The following TMEM135 variants were observed in gnomAD, a reference collection of about 807,000 sequenced individuals.
TMEM135 encodes the protein peroxisomal membrane protein 52.
Under a neutral mutation model 60.3 loss-of-function variants are expected in TMEM135, and 30 were observed. The observed-to-expected ratio is 0.50, with a 90% CI of 0.37 to 0.68. TMEM135 has a LOEUF of 0.68. TMEM135 is among the 30% of genes least tolerant of loss of function. The probability of loss-of-function intolerance (pLI) is 0.00; values close to 1 mark genes in which losing one functional copy is unlikely to be tolerated. For synonymous variants in TMEM135, 190 were observed against 186.7 expected (o/e 1.02, Z -0.14); for missense variants, 468 against 548.8 (o/e 0.85, Z 1.47).
At chr11:87,296,841 A>T (rs1222075390) in intron 7 of TMEM135, among the ~76,000 whole-genome samples, 1 of 152,156 alleles carries the variant, frequency 6.6e-6, no homozygotes, top group Non-Finnish European at 1.5e-5. Context: ...GTAGCAAGAG[A>T]GTGAAAATTG....
chr11:87,074,614 G>A (rs943684427), intron 3 of TMEM135, among the ~76,000 whole-genome samples: 1 of 152,100 alleles, frequency 6.6e-6, no homozygotes, highest in Non-Finnish European at 1.5e-5. Context: ...ATCAACTAGA[G>A]TCAATGGTTA....
At chr11:87,158,099 C>G (rs184546841) in intron 5 of TMEM135, among the ~76,000 whole-genome samples, 2 of 152,168 alleles carry the variant, frequency 1.3e-5, no homozygotes, top group Admixed American at 1.3e-4. Flanking sequence ...ACAGAAATCC[C>G]TATTTTTGAG....
At chr11:87,152,644 G>C (rs930628691) in intron 4 of TMEM135, among the ~76,000 whole-genome samples, 2 of 151,528 alleles carry the variant, frequency 1.3e-5, no homozygotes, top group African/African-American at 4.8e-5. Context: ...TCGCCATGTC[G>C]GTCAGGCTGG....
chr11:87,139,163 C>T (rs1435121085), intron 4 of TMEM135, among the ~76,000 whole-genome samples: 1 of 151,998 alleles, frequency 6.6e-6, no homozygotes, highest in East Asian at 1.9e-4. Flanking sequence ...CATCTGTGTC[C>T]TTCCTAAAAA....
intron 4 of TMEM135, among the ~76,000 whole-genome samples, chr11:87,154,655 T>G (rs1010241103): frequency 6.6e-6 from 1 of 152,248 alleles, no homozygotes; most frequent in Non-Finnish European, 1.5e-5. Flanking sequence ...TCTGTCTTTT[T>G]GATAATAGCC....
intron 2 of TMEM135, among the ~76,000 whole-genome samples, chr11:87,069,410 G>T (rs1324121206): frequency 2.0e-5 from 3 of 151,484 alleles, no homozygotes; most frequent in Admixed American, 1.3e-4. Flanking sequence ...TGGTTAAGTT[G>T]TAGAAGCATG....
At chr11:87,110,946 C>T (rs143001865) in intron 4 of TMEM135, among the ~76,000 whole-genome samples, 140 of 152,314 alleles carry the variant, frequency 9.2e-4, no homozygotes, top group African/African-American at 3.3e-3. Context: ...CTGGAGCTGA[C>T]ATGAAAGTAA....
At chr11:87,252,368 C>T (rs1409809965) in intron 6 of TMEM135, among the ~76,000 whole-genome samples, 2 of 151,940 alleles carry the variant, frequency 1.3e-5, no homozygotes, top group African/African-American at 4.8e-5. Flanking sequence ...AAGCCTTGCA[C>T]ATGTGTTTTA....
At chr11:87,147,290 T>A (rs921774074) in intron 4 of TMEM135, among the ~76,000 whole-genome samples, 2 of 152,054 alleles carry the variant, frequency 1.3e-5, no homozygotes, top group Non-Finnish European at 2.9e-5. Flanking sequence ...GCCACTACAC[T>A]CCAGCCTGGG....
intron 1 of TMEM135, among the ~76,000 whole-genome samples, chr11:87,067,425 T>C (rs949661182): frequency 3.3e-5 from 5 of 152,038 alleles, no homozygotes; most frequent in Admixed American, 6.6e-5. Context: ...TAAAATTGTT[T>C]TAAGGCATTA....
intron 6 of TMEM135, among the ~76,000 whole-genome samples, chr11:87,288,243 G>T (rs1448158881): frequency 6.6e-6 from 1 of 152,138 alleles, no homozygotes; most frequent in African/African-American, 2.4e-5. Flanking sequence ...TCATTAATCA[G>T]ATTATGTATA....
At chr11:87,173,190 A>T (rs1939283874) in intron 5 of TMEM135, among the ~76,000 whole-genome samples, 1 of 152,156 alleles carries the variant, frequency 6.6e-6, no homozygotes, top group Non-Finnish European at 1.5e-5. Flanking sequence ...TAAGCAAAGT[A>T]TTAGTTCAAG....
At chr11:87,077,441 G>A (rs1343446272) in intron 3 of TMEM135, among the ~76,000 whole-genome samples, 1 of 152,200 alleles carries the variant, frequency 6.6e-6, no homozygotes, top group Non-Finnish European at 1.5e-5. Flanking sequence ...TCCATCCATG[G>A]ACATGGTTTA....
chr11:87,041,855 A>G (rs1284960479), intron 1 of TMEM135, among the ~76,000 whole-genome samples: 1 of 152,240 alleles, frequency 6.6e-6, no homozygotes, highest in Non-Finnish European at 1.5e-5. Flanking sequence ...GGCAGAATGA[A>G]CAGGACTTAG....
Position 87,302,394 on chromosome 11 carries a change from C to T in TMEM135, c.650C>T (p.Pro217Leu), listed in dbSNP as rs1942464733. ...EQKREQHEEKPGRMNMIGLVR... is the reference protein window; with the variant it reads ...EQKREQHEEKLGRMNMIGLVR... ...AAGAGAGAGCAACATGAGGAAAAAC[C>T]CGGAAGAATGAATATGATTGGTCTA... The change falls in exon 8 of 15, where the codon CCC (proline) becomes CTC (leucine). Residue 217 changes from proline (P) to leucine (L), a missense_variant. Transcript: ENST00000305494. The T allele has an allele frequency of 1.2e-6, 2 of 1,613,714 alleles. No individual in the cohort carries two copies. The highest frequency in any genetic ancestry group is 1.7e-6 in the Non-Finnish European group (2 of 1,179,900).
chr11:87,104,563 T>C (rs1478377724), intron 4 of TMEM135, among the ~76,000 whole-genome samples: 2 of 152,194 alleles, frequency 1.3e-5, no homozygotes, highest in Non-Finnish European at 2.9e-5. Flanking sequence ...TTCCAATTCA[T>C]GAACATGGGT....
chr11:87,230,706 C>G (rs1165594546), intron 5 of TMEM135, among the ~76,000 whole-genome samples: 1 of 152,040 alleles, frequency 6.6e-6, no homozygotes, highest in Non-Finnish European at 1.5e-5. Flanking sequence ...ATGTCATTCA[C>G]TGTCTAGAGA....
intron 5 of TMEM135, among the ~76,000 whole-genome samples, chr11:87,214,992 A>G (rs1159514712): frequency 6.6e-6 from 1 of 152,182 alleles, no homozygotes; most frequent in Non-Finnish European, 1.5e-5. Flanking sequence ...TAAGATCAAT[A>G]GAATTTGTTA....
intron 6 of TMEM135, among the ~76,000 whole-genome samples, chr11:87,290,972 A>C (rs1942252128): frequency 1.3e-5 from 2 of 152,240 alleles, no homozygotes; most frequent in Non-Finnish European, 2.9e-5. Flanking sequence ...GAATGTGATT[A>C]GGATAAATGG....
Sources: gnomAD v4.1 joint callset for allele counts (sites outside exome capture counted in the v4.1 genomes callset) on GRCh38, gnomAD v4.1.1 for gene constraint, MANE v1.5 for transcripts, NCBI Gene and HGNC (gene_info 2026-07-23, HGNC 2026-07-21) for gene names.